Variants in SLC2A9 observed in about 807,000 individuals in gnomAD.
The protein encoded by SLC2A9 is solute carrier family 2, facilitated glucose transporter member 9.
Under a neutral mutation model 50.6 loss-of-function variants are expected in SLC2A9, and 39 were observed. The observed-to-expected ratio is 0.77, with a 90% confidence interval of 0.60 to 1.01. SLC2A9 has a LOEUF of 1.01. Ranked by LOEUF, SLC2A9 falls within the 50% of genes least tolerant of loss-of-function variation. SLC2A9 has a pLI of 0.00. For synonymous variants in SLC2A9, 324 were observed against 276.9 expected, an observed-to-expected ratio of 1.17 and a Z score of -1.69; for missense variants, 686 against 677.6, an observed-to-expected ratio of 1.01 and a Z score of -0.14.
intron 5 of SLC2A9, among the ~76,000 whole-genome samples, chr4:9,945,107 C>T (rs539653610): frequency 6.6e-6 from 1 of 152,344 alleles, no homozygotes; most frequent in South Asian, 2.1e-4. Context: ...AAGATGTAAT[C>T]GCCATCAGCA....
intron 5 of SLC2A9, among the ~76,000 whole-genome samples, chr4:9,947,206 G>A (rs945656754): frequency 6.6e-6 from 1 of 152,200 alleles, no homozygotes; most frequent in South Asian, 2.1e-4. Flanking sequence ...AGCACTTTCC[G>A]AGGGTTCTGG....
At chr4:9,888,206 A>T (rs1736662809) in intron 9 of SLC2A9, among the ~76,000 whole-genome samples, 1 of 151,646 alleles carries the variant, frequency 6.6e-6, no homozygotes, top group Admixed American at 6.6e-5. Flanking sequence ...ACCATGGCAC[A>T]TGTATACCTA....
intron 3 of SLC2A9, among the ~76,000 whole-genome samples, chr4:9,820,329 T>G (rs1406424681): frequency 2.0e-5 from 3 of 152,222 alleles, no homozygotes; most frequent in Admixed American, 6.5e-5. Context: ...TGTCTATACT[T>G]TCACCAATAT....
At chr4:9,850,627 T>C (rs1577523999) in intron 10 of SLC2A9, among the ~76,000 whole-genome samples, 1 of 152,190 alleles carries the variant, frequency 6.6e-6, no homozygotes, top group South Asian at 2.1e-4. Flanking sequence ...TCTAGCAGAC[T>C]GGCTCCCACT....
chr4:9,780,383 G>A (rs1718170338), intron 3 of SLC2A9, among the ~76,000 whole-genome samples: 1 of 152,248 alleles, frequency 6.6e-6, no homozygotes, highest in East Asian at 1.9e-4. Flanking sequence ...TCAGTTTCAG[G>A]TTTAGGCACC....
At chr4:9,779,581 A>AT (rs1440374393), downstream of SLC2A9, among the ~76,000 whole-genome samples, 1 of 151,598 alleles carries the variant, frequency 6.6e-6, no homozygotes, top group African/African-American at 2.4e-5. Flanking sequence ...TGCTCAGCTA[A>AT]TTTTTTGTAT....
At chr4:9,908,376 A>C (rs1393211155) in intron 7 of SLC2A9, 31 bp from the exon 8 acceptor site, 2 of 1,453,890 alleles carry the variant, frequency 1.4e-6, no homozygotes, top group East Asian at 4.5e-5. Context: ...AGCAGAGAGA[A>C]TGGTCAGTGG....
intron 3 of SLC2A9, among the ~76,000 whole-genome samples, chr4:9,785,237 A>C (rs200969960): frequency 6.6e-6 from 1 of 152,190 alleles, no homozygotes; most frequent in African/African-American, 2.4e-5. Context: ...AAAGACTTCA[A>C]CTAGATCACT....
intron 10 of SLC2A9, among the ~76,000 whole-genome samples, chr4:9,863,462 G>A (rs1003163645): frequency 2.0e-5 from 3 of 151,926 alleles, no homozygotes; most frequent in African/African-American, 7.3e-5. Flanking sequence ...AATTAATTTG[G>A]GGCATGACTG....
upstream of SLC2A9, among the ~76,000 whole-genome samples, chr4:10,023,359 G>A (rs73805492): frequency 3.4e-3 from 513 of 152,320 alleles, 1 homozygote; most frequent in African/African-American, 0.012. Context: ...TGTCCTGATA[G>A]GGACTGCATT....
intron 3 of SLC2A9, among the ~76,000 whole-genome samples, chr4:9,800,346 T>C (rs1721225103): frequency 6.6e-6 from 1 of 152,226 alleles, no homozygotes; most frequent in Admixed American, 6.5e-5. Context: ...GCTGATATTA[T>C]TAATTAAAAC....
At chr4:9,875,652 T>C (rs1004527312) in intron 10 of SLC2A9, among the ~76,000 whole-genome samples, 1 of 152,232 alleles carries the variant, frequency 6.6e-6, no homozygotes, top group Non-Finnish European at 1.5e-5. Flanking sequence ...AGTGGAATTG[T>C]GGTTCACTGC....
chr4:9,776,298 T>C (rs535338860), downstream of SLC2A9, among the ~76,000 whole-genome samples: 57 of 151,942 alleles, frequency 3.8e-4, no homozygotes, highest in Non-Finnish European at 7.5e-4. Flanking sequence ...AGATTGTTTT[T>C]CTGGATTCAG....
At chr4:9,999,631 G>C (rs567213220) in intron 2 of SLC2A9, among the ~76,000 whole-genome samples, 3 of 152,262 alleles carry the variant, frequency 2.0e-5, no homozygotes, top group African/African-American at 7.2e-5. Context: ...GATGAAGTTG[G>C]AGGGGCAAGA....
chr4:9,846,483 G>C (rs939222822), intron 10 of SLC2A9, among the ~76,000 whole-genome samples: 1 of 152,054 alleles, frequency 6.6e-6, no homozygotes, highest in East Asian at 1.9e-4. Flanking sequence ...TGCTTCCTGG[G>C]GTCTCCTTGC....
At chr4:9,944,727 C>A (rs760233298) in intron 5 of SLC2A9, among the ~76,000 whole-genome samples, 1 of 152,186 alleles carries the variant, frequency 6.6e-6, no homozygotes, top group Non-Finnish European at 1.5e-5. Flanking sequence ...GCTTAGCCAG[C>A]AGAAGAGTCT....
At chr4:9,945,532 T>C (rs1748989185) in intron 5 of SLC2A9, among the ~76,000 whole-genome samples, 1 of 152,172 alleles carries the variant, frequency 6.6e-6, no homozygotes, top group South Asian at 2.1e-4. Context: ...AGGGGTTCAA[T>C]AGCTCATTGA....
At chr4:9,787,256 G>A (rs781373892) in intron 3 of SLC2A9, among the ~76,000 whole-genome samples, 6 of 152,152 alleles carry the variant, frequency 3.9e-5, no homozygotes, top group Admixed American at 6.5e-5. Context: ...GAGTCATTAC[G>A]TCCAAATCAT....
At chr4:10,011,549 T>G (rs6845554) in intron 2 of SLC2A9, among the ~76,000 whole-genome samples, 84,463 of 152,172 alleles carry the variant, frequency 0.56, 24,211 homozygotes, top group East Asian at 0.89. Context: ...GAAGCCATTT[T>G]CAAGGATTCA....
Sources: gnomAD v4.1 joint callset for allele counts (sites outside exome capture counted in the v4.1 genomes callset) on GRCh38, gnomAD v4.1.1 for gene constraint, MANE v1.5 for transcripts, NCBI Gene and HGNC (gene_info 2026-07-23, HGNC 2026-07-21) for gene names.